RELCH: variants seen among roughly 807,000 people sequenced by gnomAD.
RELCH encodes the protein RAB11-binding protein RELCH.
RELCH carries 41 observed loss-of-function variants against 150.3 expected under a neutral mutation model. That is an observed-to-expected ratio of 0.27 (90% confidence interval 0.21 to 0.35). The LOEUF (loss-of-function observed/expected upper bound fraction) is 0.35. RELCH is among the 10% of genes least tolerant of loss of function. The pLI is 1.00. For missense variants in RELCH, 1,092 were observed against 1,467.8 expected (o/e 0.74, Z 4.18); for synonymous variants, 478 against 531.8 (o/e 0.90, Z 1.39).
chr18:62,219,934 A>G (rs1489856211), intron 2 of RELCH, among the ~76,000 whole-genome samples: 1 of 152,066 alleles, frequency 6.6e-6, no homozygotes, highest in Non-Finnish European at 1.5e-5. Flanking sequence ...TTGCATCTTT[A>G]AGATGAAACC....
At chr18:62,287,594 G>C in intron 26 of RELCH, 127 bp downstream of exon 26, 1 of 660,548 alleles carries the variant, frequency 1.5e-6, no homozygotes, top group Admixed American at 2.9e-5. Flanking sequence ...GAAAATTGAA[G>C]ATTTGATTTG....
At position 62,187,974 on chromosome 18, in the gene RELCH, G is replaced by T. The variant is rs758399404; in HGVS notation, c.469G>T (p.Gly157Cys). ...MGAPGVPGAA[G>C]VGGAGGREPS... ...GGCGCCAGGGGTCCCTGGAGCAGCC[G>T]GCGTTGGGGGCGCTGGAGGTCGGGA... The change falls in exon 1 of 29, where the codon GGC (glycine) becomes TGC (cysteine). Residue 157 changes from glycine (G) to cysteine (C), a missense_variant. By Grantham distance (159) the Gly-to-Cys change is radical. This residue lies in a region of RELCH where 190 missense variants were observed against 276.2 expected (regional missense o/e 0.69). Transcript: ENST00000644646. 14 of 1,599,766 alleles carry T rather than the reference G, an allele frequency of 8.8e-6. No individual in the cohort carries two copies. The highest frequency in any genetic ancestry group is 1.2e-5 in the Non-Finnish European group (14 of 1,174,150).
intron 26 of RELCH, 123 bp from the exon 27 acceptor site, chr18:62,291,420 T>C: frequency 3.8e-6 from 2 of 529,156 alleles, no homozygotes; most frequent in Non-Finnish European, 3.3e-6. Context: ...CTGTTTACCC[T>C]GAGTGATCAC....
At chr18:62,298,093 T>TCCCG (rs2045501063) in intron 27 of RELCH, among the ~76,000 whole-genome samples, 1 of 149,514 alleles carries the variant, frequency 6.7e-6, no homozygotes, top group Admixed American at 6.7e-5. Context: ...ATTTGCTTTA[T>TCCCG]CCCCCCCCGT....
intron 1 of RELCH, among the ~76,000 whole-genome samples, chr18:62,190,643 C>A (rs1384413153): frequency 6.6e-6 from 1 of 152,022 alleles, no homozygotes; most frequent in African/African-American, 2.4e-5. Context: ...CCCCAGAATT[C>A]CTTCATTCAA....
At chr18:62,269,912 T>G (rs536746893) in intron 20 of RELCH, among the ~76,000 whole-genome samples, 1 of 152,240 alleles carries the variant, frequency 6.6e-6, no homozygotes, top group South Asian at 2.1e-4. Flanking sequence ...ATTTTCAGAT[T>G]AGGGATGCTT....
chr18:62,227,468 T>A lies in RELCH; in HGVS notation c.1038T>A (p.Thr346=), dbSNP rs1456079932. ...CAATTATAAGCAACCTTCCTCCAAC[T>A]CTTGAAACTCCCCAGCCTGCAGAGG... is the stretch of plus-strand genomic sequence containing the variant. The part of the protein sequence containing the change: ...LTPIISNLPP[T]LETPQPAENS... Residue 346 remains threonine, a synonymous_variant, in exon 6 of 29, where the codon ACT becomes ACA. Coordinates refer to ENST00000644646, the MANE Select transcript of RELCH (RefSeq NM_001346231.2). 3 of 1,613,096 alleles carry A rather than the reference T, an allele frequency of 1.9e-6. No homozygotes were observed. Among genetic ancestry groups the A allele is most frequent in the East Asian group, 4.5e-5 (2 of 44,826 alleles).
chr18:62,286,654 AT>A (rs2044815935), intron 25 of RELCH, among the ~76,000 whole-genome samples: 1 of 152,114 alleles, frequency 6.6e-6, no homozygotes, highest in South Asian at 2.1e-4. Context: ...CCCTGAAGCC[AT>A]TTCTTCAAAG....
At chr18:62,203,755 A>G (rs2039600208) in intron 1 of RELCH, among the ~76,000 whole-genome samples, 1 of 152,186 alleles carries the variant, frequency 6.6e-6, no homozygotes, top group South Asian at 2.1e-4. Context: ...CCAAGGCAGG[A>G]GGACTGCTTG....
At chr18:62,286,538 G>A (rs2044804517) in intron 25 of RELCH, among the ~76,000 whole-genome samples, 2 of 152,000 alleles carry the variant, frequency 1.3e-5, no homozygotes, top group South Asian at 4.2e-4. Flanking sequence ...ACTACAGTTG[G>A]TCAGCAGTTG....
chr18:62,266,604 A>G (rs2043576386), intron 18 of RELCH, 97 bp from the exon 19 acceptor site: 1 of 683,560 alleles, frequency 1.5e-6, no homozygotes. Context: ...AGCTAAATAA[A>G]TAAATGAATA....
chr18:62,310,159 G>T lies in RELCH; in HGVS notation c.*4625G>T, dbSNP rs538672671. ...CTTCATTTCTGATCATTACTTGACA[G>T]TTCTTTAAATTCTTAGCTTTCTCTG... On this transcript the variant is annotated 3_prime_UTR_variant, in exon 29 of 29. Transcript: ENST00000644646. 1 of 152,080 alleles carries T rather than the reference G, an allele frequency of 6.6e-6. No individual in the cohort carries two copies. Among genetic ancestry groups the T allele is most frequent in the Non-Finnish European group, 1.5e-5 (1 of 67,994 alleles). The allele number at this position is 152,080 out of a possible 1,614,324, so 9.4% of individuals were successfully genotyped here.
At chr18:62,245,878 G>C (rs1311854046) in intron 11 of RELCH, 1 of 152,144 alleles carries the variant, frequency 6.6e-6, no homozygotes, top group Non-Finnish European at 1.5e-5. Context: ...TCTAGTGGAA[G>C]GGGGAGGGAG....
chr18:62,285,396 G>C (rs1214382844), intron 25 of RELCH: 1 of 152,108 alleles, frequency 6.6e-6, no homozygotes, highest in Admixed American at 6.5e-5. Flanking sequence ...AAAGAAAAAG[G>C]CTTCTGCAGT....
intron 15 of RELCH, 24 bp downstream of exon 15, chr18:62,258,700 A>G (rs764572425): frequency 1.3e-6 from 2 of 1,519,974 alleles, no homozygotes; most frequent in Non-Finnish European, 1.8e-6. Context: ...TTGTTTATAT[A>G]GTTTGTAGAA....
chr18:62,221,893 A>G (rs2040897770), intron 5 of RELCH, among the ~76,000 whole-genome samples: 1 of 151,984 alleles, frequency 6.6e-6, no homozygotes, highest in African/African-American at 2.4e-5. Flanking sequence ...AGATAAATAT[A>G]TGACAGTATT....
intron 8 of RELCH, among the ~76,000 whole-genome samples, chr18:62,229,254 A>G (rs1461595571): frequency 3.9e-5 from 6 of 152,094 alleles, no homozygotes; most frequent in South Asian, 2.1e-4. Flanking sequence ...TGCTTTATGT[A>G]TACTAACTCA....
intron 24 of RELCH, 138 bp from the exon 25 acceptor site, chr18:62,282,168 C>A: frequency 3.5e-6 from 2 of 570,518 alleles, no homozygotes; most frequent in African/African-American, 4.0e-5. Flanking sequence ...TTATTTAATT[C>A]CAAATTTCTA....
intron 8 of RELCH, among the ~76,000 whole-genome samples, chr18:62,229,518 G>GTCTGTGTC (rs1555725659): frequency 6.8e-5 from 10 of 147,748 alleles, no homozygotes; most frequent in Admixed American, 5.5e-4. Context: ...GTGTGTGTGT[G>GTCTGTGTC]TGTCTGTCTG....
Sources: gnomAD v4.1 joint callset for allele counts (sites outside exome capture counted in the v4.1 genomes callset) on GRCh38, gnomAD v4.1.1 for gene constraint, gnomAD v4.1.1 regional missense constraint, MANE v1.5 for transcripts, NCBI Gene and HGNC (gene_info 2026-07-23, HGNC 2026-07-21) for gene names.